TBK1: variants seen among roughly 807,000 people sequenced by gnomAD.
TBK1 encodes serine/threonine-protein kinase TBK1.
TBK1 carries 37 observed loss-of-function variants against 99.9 expected under a neutral mutation model. The observed-to-expected ratio is 0.37, with a 90% CI of 0.28 to 0.49. The LOEUF (loss-of-function observed/expected upper bound fraction) is 0.49. Among genes scored for constraint, TBK1 ranks in the 20% least tolerant of loss-of-function variants. The pLI is 0.98. For missense variants in TBK1, 644 were observed against 872.5 expected (o/e 0.74, Z 3.30); for synonymous variants, 258 against 279.8 (o/e 0.92, Z 0.78).
Position 64,496,420 on chromosome 12 carries a change from T to A in TBK1, c.1760+14T>A. 1 of 1,225,164 alleles carries A rather than the reference T, an allele frequency of 8.2e-7. No individual in the cohort carries two copies. Among genetic ancestry groups the A allele is most frequent in the Non-Finnish European group, 1.1e-6 (1 of 879,618 alleles). The allele number at this position is 1,225,164 out of a possible 1,614,324, so 75.9% of individuals were successfully genotyped here. ...CAAATTTGATAAGTAAGTATCCAGA[T>A]TATGTTTAATAGTTATTTTTGGTGC... On this transcript the variant is annotated intron_variant, in intron 16 of 20. Coordinates refer to ENST00000331710, the MANE Select transcript of TBK1 (RefSeq NM_013254.4).
chr12:64,457,532 A>G (rs1221155733), intron 2 of TBK1, among the ~76,000 whole-genome samples: 1 of 152,246 alleles, frequency 6.6e-6, no homozygotes, highest in African/African-American at 2.4e-5. Flanking sequence ...GCACTATGGC[A>G]GACCTAGTGA....
At chr12:64,459,715 A>G (rs2040525883) in intron 2 of TBK1, among the ~76,000 whole-genome samples, 1 of 152,190 alleles carries the variant, frequency 6.6e-6, no homozygotes, top group African/African-American at 2.4e-5. Flanking sequence ...TGAAAAGTTA[A>G]CTGTATTACT....
intron 3 of TBK1, among the ~76,000 whole-genome samples, chr12:64,463,882 TG>T: frequency 6.6e-6 from 1 of 151,480 alleles, no homozygotes. Context: ...TTTTTTTTTT[TG>T]AGATGGAGTC....
chr12:64,495,802 T>G, intron 15 of TBK1, 27 bp downstream of exon 15: 1 of 1,489,902 alleles, frequency 6.7e-7, no homozygotes, highest in Non-Finnish European at 9.0e-7. Flanking sequence ...ATTTGTTAAT[T>G]TAATAAATCC....
chr12:64,475,224 A>C (rs2040699607), intron 6 of TBK1, among the ~76,000 whole-genome samples: 1 of 152,230 alleles, frequency 6.6e-6, no homozygotes, highest in Non-Finnish European at 1.5e-5. Flanking sequence ...GATATATTTT[A>C]CTAGTATAAT....
chr12:64,485,604 AT>A, intron 10 of TBK1, 91 bp downstream of exon 10: 1 of 625,300 alleles, frequency 1.6e-6, no homozygotes, highest in Non-Finnish European at 2.7e-6. Context: ...GTCTTCATGT[AT>A]GTCTATATGA....
chr12:64,464,516 A>C, intron 4 of TBK1, 53 bp downstream of exon 4: 1 of 1,395,698 alleles, frequency 7.2e-7, no homozygotes, highest in South Asian at 1.5e-5. Context: ...TAATAACAGA[A>C]TTTTTAAAAA....
At chr12:64,455,306 C>G (rs1000384459) in intron 1 of TBK1, among the ~76,000 whole-genome samples, 3 of 151,924 alleles carry the variant, frequency 2.0e-5, no homozygotes, top group Non-Finnish European at 4.4e-5. Context: ...TTTTTTTTGT[C>G]ATATTATTGT....
chr12:64,455,506 A>G (rs1354060683), intron 1 of TBK1, among the ~76,000 whole-genome samples: 3 of 152,206 alleles, frequency 2.0e-5, no homozygotes, highest in South Asian at 4.1e-4. Context: ...AGACAAGGTA[A>G]CACCAAAGAG....
chr12:64,456,529 T>C (rs1338854607), intron 2 of TBK1, among the ~76,000 whole-genome samples: 2 of 152,154 alleles, frequency 1.3e-5, no homozygotes, highest in Non-Finnish European at 1.5e-5. Context: ...AAAAAGATTA[T>C]TCCCAGAGGC....
At chr12:64,488,338 T>C in intron 11 of TBK1, 149 bp from the exon 12 acceptor site, 1 of 490,082 alleles carries the variant, frequency 2.0e-6, no homozygotes, top group Non-Finnish European at 3.6e-6. Context: ...GAAATGCTTA[T>C]TATAATAATG....
rs773284810 is a variant in TBK1, at chr12:64,495,515, T to C, written c.1554T>C (p.Ser518=). 3.1e-5 allele frequency: 50 copies of C among 1,613,928 alleles called. No homozygotes were observed. Among genetic ancestry groups the C allele is most frequent in the Non-Finnish European group, 3.8e-5 (45 of 1,179,958 alleles). The change falls in exon 14 of 21, where the codon AGT becomes AGC. Residue 518 remains serine, a synonymous_variant. Transcript: ENST00000331710. ...GTTCTCAGGGAACAATAGAAACCAG[T>C]CTTCAGGATATCGACAGCAGATTAT... ...LSSSQGTIET[S]LQDIDSRLSP... is the part of the protein sequence containing the mutation.
At chr12:64,482,067 A>G (rs1478443748) in intron 8 of TBK1, 46 bp downstream of exon 8, 5 of 1,261,746 alleles carry the variant, frequency 4.0e-6, no homozygotes, top group African/African-American at 1.5e-5. Flanking sequence ...TCTGTTATAT[A>G]ATATTTTCCT....
intron 8 of TBK1, 118 bp from the exon 9 acceptor site, chr12:64,484,185 G>A (rs1165522338): frequency 1.2e-5 from 8 of 662,476 alleles, no homozygotes; most frequent in Non-Finnish European, 2.5e-6. Context: ...AAGTTTATAT[G>A]GACTGGTTAT....
At chr12:64,461,612 T>G (rs1324822888) in intron 3 of TBK1, among the ~76,000 whole-genome samples, 1 of 152,210 alleles carries the variant, frequency 6.6e-6, no homozygotes, top group Non-Finnish European at 1.5e-5. Flanking sequence ...AACTCAAGAT[T>G]AAGAGCATAG....
intron 13 of TBK1, among the ~76,000 whole-genome samples, chr12:64,491,595 G>C (rs1344497849): frequency 2.0e-5 from 3 of 152,184 alleles, no homozygotes; most frequent in Non-Finnish European, 4.4e-5. Context: ...TTGCACTCCA[G>C]CCTGGGTGAC....
rs117879558 is a variant in TBK1, at chr12:64,462,494, C to T, written c.229-1840C>T. ...ATAGAAAAAAGACTGAAAGAAAATA[C>T]GCCAAAATATTAATTCATTATCTCC... is the stretch of plus-strand genomic sequence containing the variant. On this transcript the variant is annotated intron_variant, in intron 3 of 20. Coordinates refer to ENST00000331710, the MANE Select transcript of TBK1 (RefSeq NM_013254.4). Among the ~76,000 whole-genome samples the T allele has an allele frequency of 4.3e-3, 652 of 152,080 alleles. 5 individuals carry two copies. The highest frequency in any genetic ancestry group is 0.01 in the Middle Eastern group (3 of 294).
rs71092969 is a variant in TBK1 at position 64,458,086 on chromosome 12, A to AACACACAC, written c.88-2075_88-2068dup. The stretch of plus-strand genomic sequence containing the variant: ...ACATGGCAAAACCCTGTCTCTACTA[A>AACACACAC]ACACACACACACACACACACACACA... On this transcript the variant is annotated intron_variant, in intron 2 of 20. Transcript: ENST00000331710. Among the ~76,000 whole-genome samples, 697 of 143,660 alleles carry AACACACAC rather than the reference A, an allele frequency of 4.9e-3. 7 individuals carry two copies. Among genetic ancestry groups the AACACACAC allele is most frequent in the African/African-American group, 0.014 (560 of 38,878 alleles). The allele number at this position is 143,660 out of a possible 152,430, so 94.2% of individuals were successfully genotyped here. A position where few individuals can be genotyped will look rare whatever the true frequency, so the allele number is the denominator to read the frequency against.
At chr12:64,473,392 T>C (rs978582593) in intron 5 of TBK1, among the ~76,000 whole-genome samples, 2 of 152,168 alleles carry the variant, frequency 1.3e-5, no homozygotes, top group Non-Finnish European at 2.9e-5. Flanking sequence ...GGGTAATTGT[T>C]GAAAGGAGTT....
Sources: gnomAD v4.1 joint callset for allele counts (sites outside exome capture counted in the v4.1 genomes callset) on GRCh38, gnomAD v4.1.1 for gene constraint, MANE v1.5 for transcripts, NCBI Gene and HGNC (gene_info 2026-07-23, HGNC 2026-07-21) for gene names.